The following SLC6A11 variants were observed in gnomAD, a reference collection of about 807,000 sequenced individuals.
SLC6A11 encodes solute carrier family 6 member 11.
In SLC6A11, 25 loss-of-function variants were observed where a neutral mutation model predicts 74.8. The observed-to-expected ratio is 0.33, with a 90% CI of 0.24 to 0.47. The LOEUF (loss-of-function observed/expected upper bound fraction) is 0.47, where lower values mean the gene tolerates loss of function less well. SLC6A11 is among the 20% of genes least tolerant of loss of function. The pLI is 1.00. For synonymous variants in SLC6A11, 330 were observed against 330.2 expected (o/e 1.00, Z 0.01); for missense variants, 574 against 837.0 (o/e 0.69, Z 3.88).
intron 6 of SLC6A11, among the ~76,000 whole-genome samples, chr3:10,900,906 G>A (rs1429773568): frequency 6.6e-6 from 1 of 152,144 alleles, no homozygotes; most frequent in Non-Finnish European, 1.5e-5. Flanking sequence ...GACTAGGTAG[G>A]ACTGCTGGCC....
chr3:10,922,706 A>C (rs184678529), intron 8 of SLC6A11, among the ~76,000 whole-genome samples: 4 of 152,252 alleles, frequency 2.6e-5, no homozygotes, highest in Admixed American at 2.0e-4. Flanking sequence ...CCACTCAAAC[A>C]ATGATTTTTT....
At chr3:10,905,358 C>A (rs1223662817) in intron 6 of SLC6A11, among the ~76,000 whole-genome samples, 1 of 152,206 alleles carries the variant, frequency 6.6e-6, no homozygotes, top group Admixed American at 6.5e-5. Flanking sequence ...CCTTCCCAAG[C>A]AAACCTCCAG....
In SLC6A11 at chr3:10,816,569, G is replaced by T; in HGVS notation, c.256+48G>T. The T allele has an allele frequency of 1.3e-6, 2 of 1,507,328 alleles. No homozygotes were observed. Among genetic ancestry groups the T allele is most frequent in the Non-Finnish European group, 1.8e-6 (2 of 1,124,424 alleles). 93.4% of individuals were successfully genotyped at this position (1,507,328 alleles called of 1,614,324 possible). A position where few individuals can be genotyped will look rare whatever the true frequency, so the allele number is the denominator to read the frequency against. On this transcript the variant is annotated intron_variant, in intron 1 of 13. Coordinates refer to ENST00000254488, the MANE Select transcript of SLC6A11 (RefSeq NM_014229.3). This position sits in a 1 kb window ranked among gnomAD's most constrained non-coding sequence, Gnocchi z 4.2. ...GGGAGGGGGCGCCAACCGCCCGGTG[G>T]GGGCGGGGAGCCAGGGGCGAGCGCG...
intron 10 of SLC6A11, among the ~76,000 whole-genome samples, chr3:10,930,502 A>G (rs190595151): frequency 2.6e-5 from 4 of 152,252 alleles, no homozygotes; most frequent in Admixed American, 2.6e-4. Flanking sequence ...TGTTGGAGCA[A>G]ATAAATGGTA....
At chr3:10,911,475 G>A (rs1695387919) in intron 6 of SLC6A11, among the ~76,000 whole-genome samples, 1 of 152,142 alleles carries the variant, frequency 6.6e-6, no homozygotes, top group South Asian at 2.1e-4. Context: ...CCTAGAGGGG[G>A]GGAGTCTGTT....
chr3:10,902,712 A>T (rs1241414309), intron 6 of SLC6A11, among the ~76,000 whole-genome samples: 1 of 152,246 alleles, frequency 6.6e-6, no homozygotes, highest in African/African-American at 2.4e-5. Flanking sequence ...GGCTCAAAGC[A>T]TGGAGCCTGG....
rs762939574 is a variant in SLC6A11, at chr3:10,873,971, T to TGCTAC, written c.757-970_757-966dup. On this transcript the variant is annotated intron_variant, in intron 5 of 13. Transcript: ENST00000254488. The stretch of plus-strand genomic sequence containing the variant: ...TCCTATGCTATGCTACGCTATGCTA[T>TGCTAC]GCTACGCTACGCTACGCTACGCTAT... 1.1e-3 allele frequency among the ~76,000 whole-genome samples: 145 copies of TGCTAC among 130,518 alleles called. 2 individuals carry two copies. Among genetic ancestry groups the TGCTAC allele is most frequent in the South Asian group, 9.6e-3 (44 of 4,590 alleles). The allele number at this position is 130,518 out of a possible 152,430, so 85.6% of individuals were successfully genotyped here. A position where few individuals can be genotyped will look rare whatever the true frequency, so the allele number is the denominator to read the frequency against.
At chr3:10,911,448 G>A (rs1695387157) in intron 6 of SLC6A11, among the ~76,000 whole-genome samples, 1 of 152,158 alleles carries the variant, frequency 6.6e-6, no homozygotes, top group East Asian at 1.9e-4. Flanking sequence ...TAGTTATCTT[G>A]TGTACCACAT....
At chr3:10,937,351 G>A (rs1055969561) in intron 13 of SLC6A11, among the ~76,000 whole-genome samples, 7 of 152,204 alleles carry the variant, frequency 4.6e-5, no homozygotes, top group African/African-American at 1.7e-4. Flanking sequence ...CACGGTGCCT[G>A]GCACAGAGGA....
At chr3:10,844,485 A>G in intron 5 of SLC6A11, 139 bp downstream of exon 5, 1 of 985,152 alleles carries the variant, frequency 1.0e-6, no homozygotes. Flanking sequence ...GACCAGAGTG[A>G]GCTCTACCCA....
At chr3:10,870,845 TGCCTGCCA>T (rs2106601275) in intron 5 of SLC6A11, among the ~76,000 whole-genome samples, 1 of 152,358 alleles carries the variant, frequency 6.6e-6, no homozygotes, top group South Asian at 2.1e-4. Flanking sequence ...TCTGGGCTAA[TGCCTGCCA>T]GCCAGTGGTT....
At chr3:10,850,977 A>C (rs1239330140) in intron 5 of SLC6A11, among the ~76,000 whole-genome samples, 1 of 152,134 alleles carries the variant, frequency 6.6e-6, no homozygotes, top group Non-Finnish European at 1.5e-5. Flanking sequence ...GTTCCATATA[A>C]GATTTTGAGA....
Position 10,918,235 on chromosome 3 carries a change from C to A in SLC6A11, c.996-94C>A. ...TGTGCCTGCACTTCCCTGCCTGCCT[C>A]ACAGGACAGCCATGGTGCTCGGGTG... On this transcript the variant is annotated intron_variant, in intron 7 of 13. Transcript: ENST00000254488. This position sits in a 1 kb window ranked among gnomAD's most constrained non-coding sequence, Gnocchi z 4.5. 7.2e-7 allele frequency: 1 copy of A among 1,391,974 alleles called. No individual in the cohort carries two copies. The highest frequency in any genetic ancestry group is 9.5e-7 in the Non-Finnish European group (1 of 1,055,952). 86.2% of individuals were successfully genotyped at this position (1,391,974 alleles called of 1,614,324 possible).
At chr3:10,823,756 G>T in intron 4 of SLC6A11, 1 of 201,254 alleles carries the variant, frequency 5.0e-6, no homozygotes, top group Non-Finnish European at 1.0e-5. Flanking sequence ...GAAAGCATAA[G>T]TCTCTAGAGG....
chr3:10,927,531 TCG>T, intron 9 of SLC6A11, among the ~76,000 whole-genome samples: 1 of 152,248 alleles, frequency 6.6e-6, no homozygotes, highest in Non-Finnish European at 1.5e-5. Context: ...AGTGACTTGC[TCG>T]GTCGTGTACC....
At chr3:10,881,373 G>A (rs1694979500) in intron 6 of SLC6A11, among the ~76,000 whole-genome samples, 3 of 152,166 alleles carry the variant, frequency 2.0e-5, no homozygotes, top group Admixed American at 6.5e-5. Flanking sequence ...CCAAGATAAC[G>A]CCACTACACT....
At chr3:10,936,208 A>G (rs1347570565) in intron 13 of SLC6A11, among the ~76,000 whole-genome samples, 2 of 152,150 alleles carry the variant, frequency 1.3e-5, no homozygotes, top group South Asian at 2.1e-4. Context: ...TAGCAATCCT[A>G]GGGGGGTGGA....
At chr3:10,846,067 G>A (rs540164876) in intron 5 of SLC6A11, among the ~76,000 whole-genome samples, 19 of 152,336 alleles carry the variant, frequency 1.2e-4, no homozygotes, top group African/African-American at 4.6e-4. Context: ...ACCACATGGG[G>A]TGGTTGTGAG....
At chr3:10,934,827 G>T (rs1259273414) in intron 12 of SLC6A11, among the ~76,000 whole-genome samples, 1 of 152,354 alleles carries the variant, frequency 6.6e-6, no homozygotes, top group Middle Eastern at 3.4e-3. Context: ...CTGAGCATCT[G>T]TTGCCTGTGG....
Sources: gnomAD v4.1 joint callset for allele counts (sites outside exome capture counted in the v4.1 genomes callset) on GRCh38, gnomAD v4.1.1 for gene constraint, Gnocchi (gnomAD v3.1) non-coding constraint, MANE v1.5 for transcripts, NCBI Gene and HGNC (gene_info 2026-07-23, HGNC 2026-07-21) for gene names.